Variants in B4GALT6 observed in about 807,000 individuals in gnomAD.
B4GALT6 encodes the protein UDP-Gal:beta-GlcNAc beta-1,4-galactosyltransferase 6.
A neutral mutation model predicts 46.3 loss-of-function variants in B4GALT6; 14 were observed. The observed-to-expected ratio is 0.30, with a 90% confidence interval of 0.20 to 0.47. B4GALT6 has a LOEUF of 0.47. B4GALT6 is among the 20% of genes least tolerant of loss of function. The probability of loss-of-function intolerance (pLI) is 0.99; values close to 1 mark genes in which losing one functional copy is unlikely to be tolerated. For synonymous variants in B4GALT6, 168 were observed against 162.0 expected (o/e 1.04, Z -0.28); for missense variants, 386 against 480.1 (o/e 0.80, Z 1.83).
At chr18:31,676,945 AC>A (rs1343425549) in intron 1 of B4GALT6, among the ~76,000 whole-genome samples, 1 of 152,232 alleles carries the variant, frequency 6.6e-6, no homozygotes, top group Non-Finnish European at 1.5e-5. Context: ...AACATTTGTA[AC>A]AAGTAAAACA....
chr18:31,695,583 T>G, the B4GALT6 span, among the ~76,000 whole-genome samples: 1 of 152,160 alleles, frequency 6.6e-6, no homozygotes, highest in Non-Finnish European at 1.5e-5. Flanking sequence ...AGACACAACA[T>G]TTCTGTAAGA....
intron 3 of B4GALT6, among the ~76,000 whole-genome samples, chr18:31,646,776 C>T (rs2073995903): frequency 6.6e-6 from 1 of 152,224 alleles, no homozygotes; most frequent in Non-Finnish European, 1.5e-5. Flanking sequence ...CCACTTCATC[C>T]TAACCAGGCA....
At chr18:31,672,633 C>T (rs975859077) in intron 1 of B4GALT6, among the ~76,000 whole-genome samples, 1 of 152,216 alleles carries the variant, frequency 6.6e-6, no homozygotes, top group Non-Finnish European at 1.5e-5. Flanking sequence ...AAAAATTCAG[C>T]ATACTCTCTT....
intron 2 of B4GALT6, chr18:31,658,313 C>G (rs2074168865): frequency 1.3e-5 from 5 of 381,396 alleles, no homozygotes; most frequent in Admixed American, 4.0e-5. Flanking sequence ...CACCCTTATC[C>G]TTGCACACAG....
chr18:31,658,678 T>C (rs1404959212), intron 2 of B4GALT6, among the ~76,000 whole-genome samples: 2 of 152,174 alleles, frequency 1.3e-5, no homozygotes, highest in Non-Finnish European at 2.9e-5. Flanking sequence ...GTCAGCAAAT[T>C]AAACTGCATA....
chr18:31,685,437 C>T (rs1025177070), upstream of B4GALT6, among the ~76,000 whole-genome samples: 4 of 151,504 alleles, frequency 2.6e-5, no homozygotes, highest in Non-Finnish European at 5.9e-5. Flanking sequence ...GTCTCGAGAC[C>T]CCTGCGCGCT....
chr18:31,714,701 A>T, the B4GALT6 span, among the ~76,000 whole-genome samples: 1 of 152,238 alleles, frequency 6.6e-6, no homozygotes, highest in African/African-American at 2.4e-5. Flanking sequence ...TTGGAAGTTG[A>T]TATTTACAAT....
At chr18:31,685,980 G>C (rs1449102136), upstream of B4GALT6, 2 of 152,252 alleles carry the variant, frequency 1.3e-5, no homozygotes, top group African/African-American at 4.8e-5. Flanking sequence ...AGGCTTCTGG[G>C]CAGCCAATAG....
At chr18:31,680,213 A>G (rs1335417009) in intron 1 of B4GALT6, among the ~76,000 whole-genome samples, 2 of 152,222 alleles carry the variant, frequency 1.3e-5, no homozygotes, top group Admixed American at 1.3e-4. Context: ...AAAGCAGACT[A>G]TTAACAGCTC....
chr18:31,638,807 T>C, intron 4 of B4GALT6, 47 bp from the exon 5 acceptor site: 2 of 1,422,196 alleles, frequency 1.4e-6, no homozygotes, highest in Non-Finnish European at 2.0e-6. Context: ...ATCTACCACA[T>C]CCTAGAGGTA....
upstream of B4GALT6, chr18:31,684,588 G>C (rs2074521017): frequency 1.4e-6 from 2 of 1,396,676 alleles, no homozygotes; most frequent in Non-Finnish European, 1.9e-6. Context: ...AGAGGAAATG[G>C]GAGGGAGCGG....
upstream of B4GALT6, chr18:31,684,873 G>T (rs1255177209): frequency 2.7e-6 from 2 of 733,150 alleles, no homozygotes; most frequent in Non-Finnish European, 3.3e-6. Context: ...CGCCCGGCGG[G>T]GTCCCGCCGC....
chr18:31,668,449 C>T (rs1474576602), intron 1 of B4GALT6, among the ~76,000 whole-genome samples: 1 of 152,102 alleles, frequency 6.6e-6, no homozygotes, highest in Non-Finnish European at 1.5e-5. Flanking sequence ...CATGTATGCC[C>T]TGAATCTAAA....
rs200547501 is a variant in B4GALT6, at chr18:31,635,249, A to AC, written c.588+3394_588+3395insG. On this transcript the variant is annotated intron_variant, in intron 5 of 8. Coordinates refer to ENST00000306851, the MANE Select transcript of B4GALT6 (RefSeq NM_004775.5). ...CATCACAAAACAAACAAACAAACAA[A>AC]AAAAAAAAAAACCAGAGACAGCTCT... is the stretch of plus-strand genomic sequence containing the variant. Among the ~76,000 whole-genome samples, 152 of 150,892 alleles carry AC rather than the reference A, an allele frequency of 1.0e-3. 1 individual carries two copies. Among genetic ancestry groups the AC allele is most frequent in the African/African-American group, 2.4e-3 (98 of 41,074 alleles).
intron 6 of B4GALT6, 41 bp from the exon 7 acceptor site, chr18:31,627,162 A>G (rs760527944): frequency 6.5e-7 from 1 of 1,541,938 alleles, no homozygotes; most frequent in Non-Finnish European, 8.8e-7. Flanking sequence ...TAAAATCATA[A>G]TAATTTCCCA....
At chr18:31,688,857 C>G (rs1313528847), upstream of B4GALT6, among the ~76,000 whole-genome samples, 5 of 152,174 alleles carry the variant, frequency 3.3e-5, no homozygotes, top group East Asian at 9.6e-4. Flanking sequence ...GCCCTTACTA[C>G]AAACCACACC....
chr18:31,632,713 A>G (rs2073806773), intron 5 of B4GALT6, among the ~76,000 whole-genome samples: 1 of 152,212 alleles, frequency 6.6e-6, no homozygotes, highest in Non-Finnish European at 1.5e-5. Context: ...CTATGTAAAT[A>G]TTTAATATTT....
At position 31,631,080 on chromosome 18, in the gene B4GALT6, T is replaced by C. The variant is rs879108763; in HGVS notation, c.655A>G (p.Ser219Gly). 1 of 1,614,212 alleles carries C rather than the reference T, an allele frequency of 6.2e-7. No homozygotes were observed. The highest frequency in any genetic ancestry group is 1.1e-5 in the South Asian group (1 of 91,086). Residue 219 changes from serine to glycine, a missense_variant, in exon 6 of 9, where the codon AGT becomes GGT. By Grantham distance (56) the Ser-to-Gly change is moderately conservative. Transcript: ENST00000306851. Reference sequence around the variant, plus strand: ...TGGAAGATTACACAGTCCCAGACACTGTCTTTCATGGCCTCTTTGAAGCCC... The same window carrying C: ...TGGAAGATTACACAGTCCCAGACACCGTCTTTCATGGCCTCTTTGAAGCCC... ...NVGFKEAMKD[S>G]VWDCVIFHDV...
the B4GALT6 span, among the ~76,000 whole-genome samples, chr18:31,710,114 G>GA: frequency 1.3e-5 from 2 of 148,384 alleles, no homozygotes; most frequent in East Asian, 2.0e-4. Context: ...AAAAAGAAAA[G>GA]AAAAAAATAA....
Sources: gnomAD v4.1 joint callset for allele counts (sites outside exome capture counted in the v4.1 genomes callset) on GRCh38, gnomAD v4.1.1 for gene constraint, MANE v1.5 for transcripts, NCBI Gene and HGNC (gene_info 2026-07-23, HGNC 2026-07-21) for gene names.